ARHGAP32: variants seen among roughly 807,000 people sequenced by gnomAD.
ARHGAP32 encodes the protein Rho GTPase activating protein 32.
Under a neutral mutation model 186.5 loss-of-function variants are expected in ARHGAP32, and 51 were observed. The ratio of observed to expected loss-of-function variants is 0.27; its 90% confidence interval spans 0.22 to 0.35. ARHGAP32 has a LOEUF of 0.35. Among genes scored for constraint, ARHGAP32 ranks in the 10% least tolerant of loss-of-function variants. ARHGAP32 has a pLI of 1.00. For missense variants in ARHGAP32, 2,186 were observed against 2,623.5 expected, an observed-to-expected ratio of 0.83 and a Z score of 3.64; for synonymous variants, 950 against 964.3, an observed-to-expected ratio of 0.99 and a Z score of 0.27.
At chr11:129,136,553 T>C (rs987593388) in intron 2 of ARHGAP32, among the ~76,000 whole-genome samples, 4 of 151,990 alleles carry the variant, frequency 2.6e-5, no homozygotes, top group African/African-American at 9.7e-5. Context: ...AGCAAGGAAG[T>C]GGAAAATTAT....
chr11:129,138,805 A>G (rs1406029802), intron 2 of ARHGAP32, among the ~76,000 whole-genome samples: 1 of 152,214 alleles, frequency 6.6e-6, no homozygotes, highest in Non-Finnish European at 1.5e-5. Context: ...TTTAACTAAG[A>G]AAACAAAATA....
chr11:129,053,596 T>C (rs1344737014), intron 10 of ARHGAP32, among the ~76,000 whole-genome samples: 1 of 152,184 alleles, frequency 6.6e-6, no homozygotes, highest in Non-Finnish European at 1.5e-5. Flanking sequence ...CAATATACAG[T>C]GTAATGACAA....
intron 11 of ARHGAP32, among the ~76,000 whole-genome samples, chr11:129,004,948 C>G (rs539279732): frequency 5.6e-4 from 85 of 151,986 alleles, no homozygotes; most frequent in Non-Finnish European, 1.1e-3. Flanking sequence ...TCTTTTCCTT[C>G]TTTCCTTCCT....
chr11:129,153,193 C>CCT (rs1943327586), intron 2 of ARHGAP32, among the ~76,000 whole-genome samples: 1 of 151,738 alleles, frequency 6.6e-6, no homozygotes, highest in Non-Finnish European at 1.5e-5. Context: ...TGAACTATCT[C>CCT]TACAAGGAAA....
intron 1 of ARHGAP32, among the ~76,000 whole-genome samples, chr11:129,244,672 G>C (rs943543151): frequency 8.6e-5 from 13 of 151,898 alleles, no homozygotes; most frequent in African/African-American, 3.1e-4. Flanking sequence ...CCTACAAAAT[G>C]GGAGAAAATT....
intron 15 of ARHGAP32, 56 bp downstream of exon 15, chr11:128,985,947 C>T (rs371639568): frequency 3.7e-4 from 450 of 1,216,484 alleles, no homozygotes; most frequent in East Asian, 1.2e-3. Context: ...GAAAAAAAAA[C>T]GTTTACAGGT....
intron 2 of ARHGAP32, among the ~76,000 whole-genome samples, chr11:129,141,217 A>T (rs1943044910): frequency 6.6e-6 from 1 of 152,212 alleles, no homozygotes; most frequent in Admixed American, 6.5e-5. Flanking sequence ...CTTTGAAACT[A>T]ACCATTTGAA....
intron 19 of ARHGAP32, 135 bp from the exon 20 acceptor site, chr11:128,976,769 T>C (rs10893943): frequency 0.29 from 203,318 of 699,292 alleles, 31,466 homozygotes; most frequent in Middle Eastern, 0.39. Flanking sequence ...TTTAGTACTC[T>C]ATTACATAAT....
chr11:129,163,554 C>T lies in ARHGAP32; in HGVS notation c.225+765G>A, dbSNP rs1220207336. 3.3e-5 allele frequency among the ~76,000 whole-genome samples: 5 copies of T among 152,032 alleles called. No homozygotes were observed. In the East Asian group the frequency reaches 9.6e-4, roughly 29 times the overall value. On this transcript the variant is annotated intron_variant, in intron 2 of 22. Transcript: ENST00000682385. ...TATCTTCATCTCATACTCTTATTAC[C>T]CATTCATTGACAACAGCTGTCTTTA...
chr11:129,206,077 A>C (rs1333161705), intron 1 of ARHGAP32, among the ~76,000 whole-genome samples: 1 of 152,194 alleles, frequency 6.6e-6, no homozygotes, highest in Non-Finnish European at 1.5e-5. Flanking sequence ...TTCATTCGTA[A>C]ATAATTCAGC....
chr11:129,140,158 G>A (rs892858053), intron 2 of ARHGAP32, among the ~76,000 whole-genome samples: 3 of 152,242 alleles, frequency 2.0e-5, no homozygotes, highest in South Asian at 2.1e-4. Context: ...GAAGCCTGAG[G>A]GGGTCACATG....
intron 2 of ARHGAP32, among the ~76,000 whole-genome samples, chr11:129,131,826 T>A (rs1942817071): frequency 6.6e-6 from 1 of 152,154 alleles, no homozygotes; most frequent in Non-Finnish European, 1.5e-5. Context: ...CCCTACTGTA[T>A]AAAGTCTGTG....
rs1473503871 is a variant in ARHGAP32 at position 129,192,228 on chromosome 11, C to T, written c.-30G>A. ...TACTTAAAAAACAAAAAAAACTAAACCTCCAGGCATGGAATAAAAAGCACC... is the reference window on the plus strand; with the variant it reads ...TACTTAAAAAACAAAAAAAACTAAATCTCCAGGCATGGAATAAAAAGCACC... On this transcript the variant is annotated 5_prime_UTR_variant, in exon 1 of 23. Transcript: ENST00000682385. The T allele has an allele frequency of 6.6e-7, 1 of 1,510,496 alleles. No individual in the cohort carries two copies. The highest frequency in any genetic ancestry group is 9.2e-7 in the Non-Finnish European group (1 of 1,088,410). The allele number at this position is 1,510,496 out of a possible 1,614,324, so 93.6% of individuals were successfully genotyped here.
chr11:129,215,263 T>C (rs1307101395), intron 1 of ARHGAP32, among the ~76,000 whole-genome samples: 2 of 152,172 alleles, frequency 1.3e-5, no homozygotes, highest in East Asian at 3.9e-4. Flanking sequence ...GTGCCTCAGT[T>C]TAGCAATAAC....
chr11:129,073,183 CT>C (rs1940924143), intron 6 of ARHGAP32, among the ~76,000 whole-genome samples: 1 of 152,114 alleles, frequency 6.6e-6, no homozygotes, highest in Admixed American at 6.5e-5. Context: ...TTTGACCCAC[CT>C]TATGTCCACC....
intron 11 of ARHGAP32, among the ~76,000 whole-genome samples, chr11:129,022,666 T>TTAC (rs879384438): frequency 2.0e-5 from 3 of 152,142 alleles, no homozygotes; most frequent in Admixed American, 1.3e-4. Flanking sequence ...GGAGCTATTA[T>TTAC]TACTACTACA....
chr11:129,019,659 C>T (rs3971779), intron 11 of ARHGAP32, among the ~76,000 whole-genome samples: 41,043 of 151,754 alleles, frequency 0.27, 6,022 homozygotes, highest in Middle Eastern at 0.39. Flanking sequence ...TTAGTTTATT[C>T]GGTAATATCC....
intron 12 of ARHGAP32, chr11:128,993,186 A>G (rs1249568928): frequency 1.3e-5 from 2 of 152,234 alleles, no homozygotes; most frequent in African/African-American, 4.8e-5. Context: ...TCACTAGGAA[A>G]TATTCAGAGA....
At chr11:129,012,565 G>A (rs1184332931) in intron 11 of ARHGAP32, among the ~76,000 whole-genome samples, 1 of 152,154 alleles carries the variant, frequency 6.6e-6, no homozygotes, top group Non-Finnish European at 1.5e-5. Flanking sequence ...CAGAAAGCAA[G>A]GGGATGCCCA....
Sources: gnomAD v4.1 joint callset for allele counts (sites outside exome capture counted in the v4.1 genomes callset) on GRCh38, gnomAD v4.1.1 for gene constraint, MANE v1.5 for transcripts, NCBI Gene and HGNC (gene_info 2026-07-23, HGNC 2026-07-21) for gene names.